The following CSMD3 variants were observed in gnomAD, a reference collection of about 807,000 sequenced individuals.
CSMD3 encodes CUB and sushi domain-containing protein 3.
Under a neutral mutation model 435.2 loss-of-function variants are expected in CSMD3, and 177 were observed. The observed-to-expected ratio is 0.41, with a 90% confidence interval of 0.36 to 0.46. CSMD3 has a LOEUF of 0.46. CSMD3 is among the 20% of genes least tolerant of loss of function. The pLI is 0.34. For synonymous variants in CSMD3, 1,656 were observed against 1,520.5 expected (o/e 1.09, Z -2.07); for missense variants, 4,265 against 4,504.6 (o/e 0.95, Z 1.52).
intron 1 of CSMD3, among the ~76,000 whole-genome samples, chr8:113,425,963 A>G (rs1041829699): frequency 3.0e-4 from 45 of 151,554 alleles, no homozygotes. Flanking sequence ...AAAATATCTT[A>G]ACTCCAGATT....
intron 1 of CSMD3, among the ~76,000 whole-genome samples, chr8:113,378,471 G>T (rs2094399698): frequency 6.6e-6 from 1 of 152,118 alleles, no homozygotes; most frequent in Non-Finnish European, 1.5e-5. Flanking sequence ...ATAAAGAAAA[G>T]AATAGTATTT....
At chr8:113,307,947 T>C (rs1308937897) in intron 2 of CSMD3, among the ~76,000 whole-genome samples, 1 of 152,176 alleles carries the variant, frequency 6.6e-6, no homozygotes, top group Non-Finnish European at 1.5e-5. Flanking sequence ...TATATCTACC[T>C]AATAACCAAA....
rs1406747072 is a variant in CSMD3 at position 112,787,817 on chromosome 8, G to A, written c.1972+12345C>T. Among the ~76,000 whole-genome samples, 4 of 152,036 alleles carry A rather than the reference G, an allele frequency of 2.6e-5. No homozygotes were observed. The East Asian group carries it at 5.8e-4, about 22-fold the overall frequency. On this transcript the variant is annotated intron_variant, in intron 13 of 70. Transcript: ENST00000297405. The stretch of plus-strand genomic sequence containing the variant: ...TGAAAGTGGGGTGGTCGGGAGAGGA[G>A]GTATGTGGTGGTGACTGGATACAAA...
At chr8:113,089,943 T>G (rs1033165692) in intron 5 of CSMD3, among the ~76,000 whole-genome samples, 4 of 152,226 alleles carry the variant, frequency 2.6e-5, no homozygotes, top group Middle Eastern at 6.8e-3. Flanking sequence ...TGACTAACCA[T>G]TATCCCGTTT....
chr8:113,084,748 T>C (rs770678928), intron 5 of CSMD3, among the ~76,000 whole-genome samples: 2 of 151,702 alleles, frequency 1.3e-5, no homozygotes, highest in South Asian at 2.1e-4. Flanking sequence ...CAGCATGGCA[T>C]TGGTATGAAA....
chr8:112,259,794 T>A (rs1384069930), intron 61 of CSMD3, among the ~76,000 whole-genome samples: 2 of 152,312 alleles, frequency 1.3e-5, no homozygotes, highest in Non-Finnish European at 1.5e-5. Flanking sequence ...GTCTTATTAA[T>A]CTTTGTATAT....
At chr8:113,414,218 T>C (rs1436678705) in intron 1 of CSMD3, among the ~76,000 whole-genome samples, 4 of 152,230 alleles carry the variant, frequency 2.6e-5, no homozygotes, top group Non-Finnish European at 4.4e-5. Flanking sequence ...ACTGAGGAAT[T>C]GAATTGTTAA....
chr8:112,692,913 ATATCTATCTATCTATCTATCTATCTATC>A (rs6150766), intron 13 of CSMD3, among the ~76,000 whole-genome samples: 14 of 144,602 alleles, frequency 9.7e-5, no homozygotes, highest in Middle Eastern at 3.5e-3. Context: ...ATTAATCTTT[ATATCTATCTATCTATCTATCTATCTATC>A]TATCTATCTA....
chr8:113,172,999 G>A (rs537130021), intron 4 of CSMD3, among the ~76,000 whole-genome samples: 1 of 152,174 alleles, frequency 6.6e-6, no homozygotes, highest in East Asian at 1.9e-4. Context: ...AATCTTAATA[G>A]TATTGATAGT....
intron 5 of CSMD3, among the ~76,000 whole-genome samples, chr8:113,020,121 C>A (rs2086632902): frequency 6.8e-6 from 1 of 147,024 alleles, no homozygotes; most frequent in Non-Finnish European, 1.5e-5. Flanking sequence ...CGAGATTGCG[C>A]CACTGCAGTC....
intron 38 of CSMD3, 74 bp from the exon 39 acceptor site, chr8:112,352,608 T>C (rs1826233061): frequency 3.2e-6 from 4 of 1,258,890 alleles, no homozygotes; most frequent in Non-Finnish European, 4.6e-6. Context: ...ATTAAGTTGC[T>C]AAAATTGAAT....
At chr8:112,665,961 G>A (rs1362456546) in intron 17 of CSMD3, among the ~76,000 whole-genome samples, 1 of 151,972 alleles carries the variant, frequency 6.6e-6, no homozygotes, top group African/African-American at 2.4e-5. Context: ...TAGCAGAGCA[G>A]AATTCACAGG....
intron 4 of CSMD3, among the ~76,000 whole-genome samples, chr8:113,129,191 T>C (rs1365675247): frequency 6.6e-6 from 1 of 152,306 alleles, no homozygotes. Flanking sequence ...ATTGTGAGCA[T>C]AGCTTAGGCA....
intron 10 of CSMD3, among the ~76,000 whole-genome samples, chr8:112,897,684 CTCTCTCTCTCTGTGTG>C (rs1401711629): frequency 2.3e-5 from 2 of 87,658 alleles, no homozygotes; most frequent in East Asian, 1.3e-3. Flanking sequence ...CTCTCTCTCT[CTCTCTCTCTCTGTGTG>C]TGTGTGTGTG....
At chr8:113,012,598 C>T (rs1587884353) in intron 6 of CSMD3, among the ~76,000 whole-genome samples, 1 of 152,008 alleles carries the variant, frequency 6.6e-6, no homozygotes, top group African/African-American at 2.4e-5. Context: ...TTTTTCGGCA[C>T]TCACACATGC....
intron 32 of CSMD3, among the ~76,000 whole-genome samples, chr8:112,435,255 T>G (rs748570193): frequency 2.0e-5 from 3 of 152,084 alleles, no homozygotes; most frequent in Non-Finnish European, 4.4e-5. Flanking sequence ...AATTCTCAAG[T>G]ATGCCAATTA....
chr8:112,577,584 A>T (rs1830043047), intron 23 of CSMD3, among the ~76,000 whole-genome samples: 1 of 152,058 alleles, frequency 6.6e-6, no homozygotes, highest in Non-Finnish European at 1.5e-5. Context: ...AAAGTTATTG[A>T]TGGCTTTTAT....
At chr8:112,399,616 T>G (rs1467948786) in intron 35 of CSMD3, among the ~76,000 whole-genome samples, 1 of 152,182 alleles carries the variant, frequency 6.6e-6, no homozygotes, top group Non-Finnish European at 1.5e-5. Flanking sequence ...GAAGCCAAGC[T>G]GAACCATTAA....
In CSMD3 at chr8:112,532,682, C is replaced by A. The variant is rs538901386; in HGVS notation, c.4565-15457G>T. ...AGTCTTCATCATCATAACTGTTTTA[C>A]AAGAAATGCTAATAAGAGTCCTTCC... On this transcript the variant is annotated intron_variant, in intron 27 of 70. Coordinates refer to ENST00000297405, the MANE Select transcript of CSMD3 (RefSeq NM_198123.2). Among the ~76,000 whole-genome samples the A allele has an allele frequency of 3.3e-5, 5 of 151,764 alleles. No individual in the cohort carries two copies. In the South Asian group the frequency reaches 1.0e-3, roughly 32 times the overall value.
Sources: gnomAD v4.1 joint callset for allele counts (sites outside exome capture counted in the v4.1 genomes callset) on GRCh38, gnomAD v4.1.1 for gene constraint, MANE v1.5 for transcripts, NCBI Gene and HGNC (gene_info 2026-07-23, HGNC 2026-07-21) for gene names.